SSH2: variants seen among roughly 807,000 people sequenced by gnomAD.
The protein encoded by SSH2 is slingshot protein phosphatase 2.
A neutral mutation model predicts 135.2 loss-of-function variants in SSH2; 37 were observed. The ratio of observed to expected loss-of-function variants is 0.27; its 90% CI spans 0.21 to 0.36. SSH2 has a LOEUF of 0.36. Ranked by LOEUF, SSH2 falls within the 10% of genes least tolerant of loss-of-function variation. SSH2 has a pLI of 1.00. For synonymous variants in SSH2, 628 were observed against 646.2 expected (o/e 0.97, Z 0.43); for missense variants, 1,408 against 1,765.3 (o/e 0.80, Z 3.63).
intron 1 of SSH2, among the ~76,000 whole-genome samples, chr17:29,895,254 T>G (rs1391891708): frequency 2.2e-5 from 3 of 136,462 alleles, no homozygotes; most frequent in African/African-American, 8.1e-5. Context: ...TATATATACA[T>G]TTTATATATG....
At chr17:29,890,622 G>C (rs1374634570) in intron 1 of SSH2, among the ~76,000 whole-genome samples, 1 of 152,184 alleles carries the variant, frequency 6.6e-6, no homozygotes, top group Non-Finnish European at 1.5e-5. Context: ...TTAGGATGAG[G>C]TGAGGTGTTG....
At position 29,666,866 on chromosome 17, in the gene SSH2, C is replaced by T; in HGVS notation, c.1032+1G>A. The T allele has an allele frequency of 6.2e-7, 1 of 1,613,970 alleles. No homozygotes were observed. Among genetic ancestry groups the T allele is most frequent in the Non-Finnish European group, 8.5e-7 (1 of 1,179,942 alleles). Reference sequence around the variant, plus strand: ...CCACTTAAAGTGGCTTTAAAACTTACCAGGAACACATGCTCAAATATCTGT... The same window carrying T: ...CCACTTAAAGTGGCTTTAAAACTTATCAGGAACACATGCTCAAATATCTGT... On this transcript the variant is annotated splice_donor_variant, in intron 11 of 15. Transcript: ENST00000540801. LOFTEE classifies it high-confidence loss of function.
chr17:29,847,800 C>A (rs1345018261), intron 2 of SSH2, among the ~76,000 whole-genome samples: 7 of 152,204 alleles, frequency 4.6e-5, no homozygotes, highest in African/African-American at 1.7e-4. Flanking sequence ...CCACCAGCAT[C>A]ATGACAGTTT....
chr17:29,819,092 G>A (rs1434194724), intron 2 of SSH2, among the ~76,000 whole-genome samples: 2 of 151,986 alleles, frequency 1.3e-5, no homozygotes, highest in Non-Finnish European at 2.9e-5. Context: ...TGGGTGTGGT[G>A]GTGCAAGCCT....
chr17:29,817,112 C>T (rs936379089), intron 2 of SSH2, among the ~76,000 whole-genome samples: 5 of 152,188 alleles, frequency 3.3e-5, no homozygotes, highest in African/African-American at 1.2e-4. Context: ...TGAATTTCCT[C>T]TGCAATTTGT....
chr17:29,650,984 C>T (rs572607648), intron 12 of SSH2, among the ~76,000 whole-genome samples, 184 bp from the exon 13 acceptor site: 2 of 152,240 alleles, frequency 1.3e-5, no homozygotes, highest in Admixed American at 1.3e-4. Flanking sequence ...AGCAGGGTTC[C>T]TGGGCATACC....
At position 29,630,797 on chromosome 17, in the gene SSH2, T is replaced by C. The variant is rs2035630630; in HGVS notation, c.*44A>G. 1 of 1,504,798 alleles carries C rather than the reference T, an allele frequency of 6.6e-7. No homozygotes were observed. The highest frequency in any genetic ancestry group is 8.9e-7 in the Non-Finnish European group (1 of 1,123,440). The allele number at this position is 1,504,798 out of a possible 1,614,324, so 93.2% of individuals were successfully genotyped here. ...TTCCTTACATATTACACCTGCCCCT[T>C]TTACAAACATTTCTTCTAGAAAGTC... On this transcript the variant is annotated 3_prime_UTR_variant, in exon 16 of 16. Coordinates refer to ENST00000540801, the MANE Select transcript of SSH2 (RefSeq NM_001282129.2).
At chr17:29,833,943 G>T (rs1230685387) in intron 2 of SSH2, among the ~76,000 whole-genome samples, 2 of 100,840 alleles carry the variant, frequency 2.0e-5, no homozygotes, top group Non-Finnish European at 2.0e-5. Context: ...CTCCCTCCCT[G>T]CCTCCTTCCC....
chr17:29,821,697 T>C (rs571337231), intron 2 of SSH2, among the ~76,000 whole-genome samples: 1 of 150,328 alleles, frequency 6.7e-6, no homozygotes, highest in Non-Finnish European at 1.5e-5. Flanking sequence ...CAGGCTGGAG[T>C]GCAGCGGCGC....
chr17:29,793,411 T>C (rs566770896), intron 3 of SSH2, among the ~76,000 whole-genome samples: 1 of 152,284 alleles, frequency 6.6e-6, no homozygotes, highest in Non-Finnish European at 1.5e-5. Flanking sequence ...TTATCAAATA[T>C]GAATGACAAA....
At chr17:29,712,316 T>G (rs1445026745) in intron 3 of SSH2, among the ~76,000 whole-genome samples, 1 of 152,212 alleles carries the variant, frequency 6.6e-6, no homozygotes, top group Non-Finnish European at 1.5e-5. Flanking sequence ...TAGCTATCTT[T>G]TTAGGAATAG....
At chr17:29,781,996 C>T (rs763909921) in intron 3 of SSH2, among the ~76,000 whole-genome samples, 1 of 151,948 alleles carries the variant, frequency 6.6e-6, no homozygotes, top group Non-Finnish European at 1.5e-5. Context: ...CAGGTGTGCG[C>T]CACCATGCCT....
At chr17:29,666,677 TCACA>T (rs2037292683) in intron 11 of SSH2, among the ~76,000 whole-genome samples, 186 bp downstream of exon 11, 1 of 152,216 alleles carries the variant, frequency 6.6e-6, no homozygotes, top group Non-Finnish European at 1.5e-5. Context: ...AGCGAGACTG[TCACA>T]CACACGCACA....
intron 2 of SSH2, among the ~76,000 whole-genome samples, chr17:29,843,571 A>C (rs1188629180): frequency 6.6e-6 from 1 of 151,920 alleles, no homozygotes; most frequent in African/African-American, 2.4e-5. Flanking sequence ...AAAAAAAAAA[A>C]AAATTACTAT....
At chr17:29,701,624 G>C (rs1433138307) in intron 4 of SSH2, among the ~76,000 whole-genome samples, 1 of 151,918 alleles carries the variant, frequency 6.6e-6, no homozygotes, top group Non-Finnish European at 1.5e-5. Flanking sequence ...AGGCTGGTGT[G>C]CAGTGGCATG....
At chr17:29,718,842 C>A (rs1159599717) in intron 3 of SSH2, among the ~76,000 whole-genome samples, 1 of 151,510 alleles carries the variant, frequency 6.6e-6, no homozygotes, top group African/African-American at 2.4e-5. Context: ...TAATAGGAGA[C>A]CTCAGTTCTT....
Position 29,636,188 on chromosome 17 carries a change from C to A in SSH2, c.2042G>T (p.Ser681Ile). Residue 681 changes from serine (S) to isoleucine (I), a missense_variant, in exon 15 of 16, where the codon AGT becomes ATT. By Grantham distance (142) the Ser-to-Ile change is moderately radical (BLOSUM62 -2). Coordinates refer to ENST00000540801, the MANE Select transcript of SSH2 (RefSeq NM_001282129.2). ...DFSTDRIDFF[S>I]ALEKFVELSQ... ...GAGCTCCACAAACTTCTCTAGGGCA[C>A]TAAAAAAGTCAATGCGATCTGTACT... 6.2e-7 allele frequency: 1 copy of A among 1,614,062 alleles called. No individual in the cohort carries two copies. The highest frequency in any genetic ancestry group is 8.5e-7 in the Non-Finnish European group (1 of 1,180,026).
intron 1 of SSH2, among the ~76,000 whole-genome samples, chr17:29,855,377 C>T (rs2065644356): frequency 6.6e-6 from 1 of 152,098 alleles, no homozygotes; most frequent in South Asian, 2.1e-4. Flanking sequence ...TGGTAGCATG[C>T]ACCTGTAGTC....
At position 29,796,608 on chromosome 17, in the gene SSH2, T is replaced by G. The variant is rs898711654; in HGVS notation, c.145-2671A>C. On this transcript the variant is annotated intron_variant, in intron 2 of 15. Coordinates refer to ENST00000540801, the MANE Select transcript of SSH2 (RefSeq NM_001282129.2). The stretch of plus-strand genomic sequence containing the variant: ...CCGCCCACCTCGGCCTCCCATGGTC[T>G]AGGATTATAGGCGTGAGCCACCATG... Among the ~76,000 whole-genome samples the G allele has an allele frequency of 3.9e-5, 6 of 152,302 alleles. No homozygotes were observed. In the East Asian group the frequency reaches 1.2e-3, roughly 29 times the overall value.
Sources: allele counts gnomAD v4.1 joint callset (sites outside exome capture counted in the v4.1 genomes callset), GRCh38; gene constraint gnomAD v4.1.1; transcripts MANE v1.5; gene names NCBI Gene and HGNC (gene_info 2026-07-23, HGNC 2026-07-21).